The following STIM2 variants were observed in gnomAD, a reference collection of about 807,000 sequenced individuals.
STIM2 encodes stromal interaction molecule 2.
In STIM2, 31 loss-of-function variants were observed where a neutral mutation model predicts 85.8. That is an observed-to-expected ratio of 0.36 (90% CI 0.27 to 0.49). The LOEUF (loss-of-function observed/expected upper bound fraction) is 0.49. Among genes scored for constraint, STIM2 ranks in the 20% least tolerant of loss-of-function variants. The pLI is 0.98. For synonymous variants in STIM2, 356 were observed against 331.1 expected (o/e 1.08, Z -0.82); for missense variants, 841 against 927.6 (o/e 0.91, Z 1.21).
intron 1 of STIM2, among the ~76,000 whole-genome samples, chr4:26,890,514 G>A (rs71612812): frequency 2.1e-3 from 316 of 152,166 alleles, no homozygotes; most frequent in Non-Finnish European, 3.2e-3. Flanking sequence ...ATAAGGCCCC[G>A]TAGCAAGCCA....
At chr4:26,980,185 T>C (rs1727332439) in intron 3 of STIM2, among the ~76,000 whole-genome samples, 2 of 152,362 alleles carry the variant, frequency 1.3e-5, no homozygotes, top group South Asian at 2.1e-4. Flanking sequence ...ATTTGTCTTA[T>C]AGAATATAAG....
intron 1 of STIM2, among the ~76,000 whole-genome samples, chr4:26,910,415 T>C (rs143063423): frequency 2.2e-4 from 34 of 152,208 alleles, no homozygotes; most frequent in African/African-American, 8.2e-4. Context: ...TTCCAGTTAC[T>C]TGGGAGGCTG....
At chr4:26,884,982 C>T (rs1723161034) in intron 1 of STIM2, among the ~76,000 whole-genome samples, 1 of 152,140 alleles carries the variant, frequency 6.6e-6, no homozygotes, top group Non-Finnish European at 1.5e-5. Flanking sequence ...ATAAAACTTG[C>T]TTTATTTCAA....
chr4:27,008,233 T>C (rs1228178913), intron 8 of STIM2, among the ~76,000 whole-genome samples, 195 bp from the exon 9 acceptor site: 2 of 152,352 alleles, frequency 1.3e-5, no homozygotes, highest in East Asian at 1.9e-4. Flanking sequence ...ATTACATCGA[T>C]TGGCTTAGGA....
intron 7 of STIM2, 96 bp downstream of exon 7, chr4:27,003,200 C>T: frequency 8.6e-7 from 1 of 1,168,814 alleles, no homozygotes; most frequent in Non-Finnish European, 1.2e-6. Context: ...ACATTTAGTT[C>T]CACTGTAGTT....
chr4:26,975,893 T>C (rs368576862), intron 3 of STIM2, among the ~76,000 whole-genome samples: 18 of 152,306 alleles, frequency 1.2e-4, no homozygotes, highest in African/African-American at 4.3e-4. Flanking sequence ...TGTTGAGCTG[T>C]GGTGGCTCCG....
Position 26,896,572 on chromosome 4 carries a change from G to A in STIM2, c.152-22932G>A, listed in dbSNP as rs148219339. 6.3e-3 allele frequency among the ~76,000 whole-genome samples: 954 copies of A among 152,262 alleles called. 8 individuals carry two copies. The highest frequency in any genetic ancestry group is 0.011 in the Non-Finnish European group (750 of 68,014). On this transcript the variant is annotated intron_variant, in intron 1 of 11. Transcript: ENST00000467087. ...AAAACGCTTTTATTTTGAACTAAGT[G>A]TATTCTCACAAGCAGTTTTATGTGT...
intron 3 of STIM2, among the ~76,000 whole-genome samples, chr4:26,971,565 G>T (rs1383606555): frequency 3.3e-5 from 5 of 152,098 alleles, no homozygotes; most frequent in Non-Finnish European, 7.4e-5. Flanking sequence ...GATGTGTGGT[G>T]TTATTTCTGA....
In STIM2 at chr4:26,954,567, T is replaced by C. The variant is rs541380962; in HGVS notation, c.283-3045T>C. Reference sequence around the variant, plus strand: ...AGTATTTGTCTTTTGTGTATGCATTTTCAGTTATTGGTGACTGTTTTAAAA... The same window carrying C: ...AGTATTTGTCTTTTGTGTATGCATTCTCAGTTATTGGTGACTGTTTTAAAA... On this transcript the variant is annotated intron_variant, in intron 2 of 11. Transcript: ENST00000467087. Among the ~76,000 whole-genome samples, 18 of 148,584 alleles carry C rather than the reference T, an allele frequency of 1.2e-4. 2 individuals are homozygous for C. The highest frequency in any genetic ancestry group is 6.6e-5 in the Admixed American group (1 of 15,094).
intron 11 of STIM2, among the ~76,000 whole-genome samples, chr4:27,019,240 ATT>A (rs748624197): frequency 5.9e-5 from 9 of 152,216 alleles, no homozygotes; most frequent in Non-Finnish European, 8.8e-5. Flanking sequence ...TTCATTCATA[ATT>A]ATCTAGTAGT....
rs563852899 is a variant in STIM2 at position 26,911,034 on chromosome 4, C to T, written c.152-8470C>T. On this transcript the variant is annotated intron_variant, in intron 1 of 11. Coordinates refer to ENST00000467087, the MANE Select transcript of STIM2 (RefSeq NM_020860.4). The stretch of plus-strand genomic sequence containing the variant: ...GGCAGATCACCTGAGGTCAGGAGTT[C>T]GAGACCAGCCTGGCCAACATGCTGA... Among the ~76,000 whole-genome samples the T allele has an allele frequency of 5.9e-5, 9 of 152,028 alleles. No homozygotes were observed. In the South Asian group the frequency reaches 1.2e-3, roughly 21 times the overall value.
At chr4:26,976,380 G>GCCTT (rs1338329593) in intron 3 of STIM2, among the ~76,000 whole-genome samples, 1 of 123,700 alleles carries the variant, frequency 8.1e-6, no homozygotes, top group African/African-American at 2.8e-5. Context: ...CATCTTGGGA[G>GCCTT]TCTTTTTTTT....
At chr4:26,903,949 C>CTT (rs202247694) in intron 1 of STIM2, among the ~76,000 whole-genome samples, 1 of 150,844 alleles carries the variant, frequency 6.6e-6, no homozygotes, top group African/African-American at 2.4e-5. Context: ...CTAAAAACAA[C>CTT]TTTTTTTTTA....
chr4:26,921,748 T>C (rs1724805826), intron 2 of STIM2, among the ~76,000 whole-genome samples: 1 of 152,228 alleles, frequency 6.6e-6, no homozygotes, highest in Admixed American at 6.5e-5. Flanking sequence ...GTCTCTAAGT[T>C]TTTCCTTTCT....
chr4:26,877,630 G>A (rs1722860089), intron 1 of STIM2, among the ~76,000 whole-genome samples: 1 of 151,752 alleles, frequency 6.6e-6, no homozygotes, highest in South Asian at 2.1e-4. Context: ...GGTTGAGTTA[G>A]TTTTGTCACT....
At chr4:26,907,817 T>C (rs1040680907) in intron 1 of STIM2, among the ~76,000 whole-genome samples, 1 of 152,228 alleles carries the variant, frequency 6.6e-6, no homozygotes, top group South Asian at 2.1e-4. Flanking sequence ...AACTTAAAAA[T>C]ACTTAATTTA....
intron 3 of STIM2, among the ~76,000 whole-genome samples, chr4:26,985,403 A>T (rs1727547274): frequency 6.6e-6 from 1 of 152,190 alleles, no homozygotes. Flanking sequence ...CACTCAATTG[A>T]AATTGGATTT....
intron 8 of STIM2, 45 bp from the exon 9 acceptor site, chr4:27,008,383 T>C (rs1264336893): frequency 1.7e-6 from 2 of 1,207,608 alleles, no homozygotes; most frequent in East Asian, 2.5e-5. Context: ...AAAATGTCTG[T>C]ATTTTTTTCA....
Position 26,971,617 on chromosome 4 carries a change from A to T in STIM2, c.397+13891A>T, listed in dbSNP as rs555365589. Reference sequence around the variant, plus strand: ...CATTGGTCTATATATCTGCTTTGGTACCAGTACCCTTCTGTTTTGGCTACT... The same window carrying T: ...CATTGGTCTATATATCTGCTTTGGTTCCAGTACCCTTCTGTTTTGGCTACT... On this transcript the variant is annotated intron_variant, in intron 3 of 11. Transcript: ENST00000467087. Among the ~76,000 whole-genome samples, 24 of 152,286 alleles carry T rather than the reference A, an allele frequency of 1.6e-4. 1 individual carries two copies. In the South Asian group the frequency reaches 4.8e-3, roughly 30 times the overall value.
Sources: gnomAD v4.1 joint callset for allele counts (sites outside exome capture counted in the v4.1 genomes callset) on GRCh38, gnomAD v4.1.1 for gene constraint, MANE v1.5 for transcripts, NCBI Gene and HGNC (gene_info 2026-07-23, HGNC 2026-07-21) for gene names.